Variants in TRPM3 observed in about 807,000 individuals in gnomAD.
TRPM3 encodes long transient receptor potential channel 3.
TRPM3 carries 77 observed loss-of-function variants against 181.2 expected under a neutral mutation model. That is an observed-to-expected ratio of 0.42 (90% CI 0.35 to 0.51). The LOEUF is 0.51. Ranked by LOEUF, TRPM3 falls within the 20% of genes least tolerant of loss-of-function variation. The probability of loss-of-function intolerance (pLI) is 0.01; values close to 1 mark genes in which losing one functional copy is unlikely to be tolerated. For missense variants in TRPM3, 1,759 were observed against 2,196.7 expected, an observed-to-expected ratio of 0.80 and a Z score of 3.98; for synonymous variants, 745 against 796.4, an observed-to-expected ratio of 0.94 and a Z score of 1.09.
chr9:70,862,962 C>T lies in TRPM3; in HGVS notation c.408G>A (p.Thr136=), dbSNP rs769037902. The part of the protein sequence containing the change: ...SISKHTQLSP[T]DAFGTIEFQG... The stretch of plus-strand genomic sequence containing the variant: ...GGAACTCAATGGTCCCAAAAGCATC[C>T]GTAGGGCTGAGTTGAGTGTGTTTGC... Residue 136 remains threonine (T), a synonymous_variant, in exon 3 of 26, where the codon ACG becomes ACA. Transcript: ENST00000677713. 22 of 1,613,500 alleles carry T rather than the reference C, an allele frequency of 1.4e-5. No homozygotes were observed. In the African/African-American group the frequency reaches 1.9e-4, roughly 14 times the overall value.
intron 8 of TRPM3, among the ~76,000 whole-genome samples, chr9:70,682,284 T>A (rs73465666): frequency 0.01 from 1,593 of 152,216 alleles, 31 homozygotes; most frequent in African/African-American, 0.036. Context: ...AATAAATATA[T>A]GTATTACATG....
chr9:71,264,163 T>G (rs549627766), intron 1 of TRPM3, among the ~76,000 whole-genome samples: 1 of 152,158 alleles, frequency 6.6e-6, no homozygotes, highest in East Asian at 1.9e-4. Context: ...ACCTTTGACA[T>G]AATTGTAAAG....
At chr9:71,092,714 C>T (rs2066428241) in intron 1 of TRPM3, among the ~76,000 whole-genome samples, 1 of 152,148 alleles carries the variant, frequency 6.6e-6, no homozygotes, top group Non-Finnish European at 1.5e-5. Context: ...TTAATATCTT[C>T]TACTTTTTGG....
chr9:70,640,667 G>A lies in TRPM3; in HGVS notation c.1346-7C>T, dbSNP rs748231415. 1.2e-6 allele frequency: 2 copies of A among 1,610,246 alleles called. No individual in the cohort carries two copies. Among genetic ancestry groups the A allele is most frequent in the African/African-American group, 1.3e-5 (1 of 74,828 alleles). ...GGGGCCGAGGCATTGGCTCCTGTGT[G>A]AGGACAAGTGGGAGAAAAGAGTGGA... On this transcript the variant is annotated splice_polypyrimidine_tract_variant and splice_region_variant and intron_variant, in intron 9 of 25. Coordinates refer to ENST00000677713, the MANE Select transcript of TRPM3 (RefSeq NM_001366145.2).
intron 8 of TRPM3, among the ~76,000 whole-genome samples, chr9:70,691,325 G>A (rs1397522274): frequency 1.3e-5 from 2 of 152,048 alleles, no homozygotes; most frequent in Non-Finnish European, 2.9e-5. Flanking sequence ...TTATACATTA[G>A]AAAAAATAAG....
chr9:71,173,982 C>G (rs1343666801), intron 1 of TRPM3, among the ~76,000 whole-genome samples: 1 of 152,144 alleles, frequency 6.6e-6, no homozygotes, highest in Non-Finnish European at 1.5e-5. Flanking sequence ...ATCTGCAATA[C>G]AGTGTACTTT....
At chr9:70,862,167 C>G (rs780767574) in intron 3 of TRPM3, among the ~76,000 whole-genome samples, 3 of 152,084 alleles carry the variant, frequency 2.0e-5, no homozygotes, top group Non-Finnish European at 4.4e-5. Flanking sequence ...AGTTTTCTCT[C>G]TTATAACAGT....
intron 1 of TRPM3, among the ~76,000 whole-genome samples, chr9:70,884,594 G>A (rs771730235): frequency 3.3e-5 from 5 of 152,172 alleles, no homozygotes; most frequent in Admixed American, 6.5e-5. Context: ...GTCTACAGAA[G>A]TCAGCTTTGC....
intron 1 of TRPM3, among the ~76,000 whole-genome samples, chr9:70,944,566 C>A (rs1261961634): frequency 6.6e-6 from 1 of 152,140 alleles, no homozygotes; most frequent in Non-Finnish European, 1.5e-5. Context: ...CTCTCCTACT[C>A]AACAAGCCCC....
intron 11 of TRPM3, among the ~76,000 whole-genome samples, chr9:70,636,924 G>A (rs910078986): frequency 2.6e-5 from 4 of 152,160 alleles, no homozygotes; most frequent in Non-Finnish European, 4.4e-5. Context: ...CTGACCTCAA[G>A]TGATCCATCC....
At chr9:70,925,760 T>C (rs2096715038) in intron 1 of TRPM3, among the ~76,000 whole-genome samples, 1 of 152,034 alleles carries the variant, frequency 6.6e-6, no homozygotes, top group African/African-American at 2.4e-5. Context: ...ATATCTCCTT[T>C]CAGCCAGCGC....
At chr9:71,121,867 T>C (rs1002042353), upstream of TRPM3, among the ~76,000 whole-genome samples, 1 of 152,170 alleles carries the variant, frequency 6.6e-6, no homozygotes, top group African/African-American at 2.4e-5. Context: ...ATGAGATAAA[T>C]GCTTCCCTTT....
intron 5 of TRPM3, among the ~76,000 whole-genome samples, chr9:70,837,450 G>A (rs2094396111): frequency 6.6e-6 from 1 of 152,184 alleles, no homozygotes; most frequent in African/African-American, 2.4e-5. Context: ...ACAAGATGAT[G>A]TGTTGTAAAT....
chr9:70,957,379 A>G (rs969153238), intron 1 of TRPM3, among the ~76,000 whole-genome samples: 2 of 152,142 alleles, frequency 1.3e-5, no homozygotes, highest in East Asian at 3.9e-4. Flanking sequence ...CTGAGCACTT[A>G]TGAAGCATCG....
intron 7 of TRPM3, among the ~76,000 whole-genome samples, chr9:70,773,375 C>CA (rs956916698): frequency 3.3e-5 from 5 of 152,070 alleles, no homozygotes; most frequent in Non-Finnish European, 7.3e-5. Context: ...ATAGCCACCT[C>CA]ATGATGTTTA....
chr9:71,147,723 T>C (rs1218129702), intron 1 of TRPM3, among the ~76,000 whole-genome samples: 1 of 152,154 alleles, frequency 6.6e-6, no homozygotes, highest in Non-Finnish European at 1.5e-5. Flanking sequence ...AAGAAGTAAC[T>C]TTATTTGCTG....
intron 1 of TRPM3, among the ~76,000 whole-genome samples, chr9:71,158,232 C>G (rs910314861): frequency 7.9e-5 from 12 of 152,248 alleles, no homozygotes; most frequent in African/African-American, 2.9e-4. Flanking sequence ...CCCAACAACT[C>G]TGGAAGGTTA....
chr9:70,859,790 G>A (rs191966764), intron 3 of TRPM3, among the ~76,000 whole-genome samples: 2 of 152,228 alleles, frequency 1.3e-5, no homozygotes, highest in Non-Finnish European at 2.9e-5. Context: ...CACACCCATG[G>A]CAGCTGTTCA....
intron 1 of TRPM3, among the ~76,000 whole-genome samples, chr9:71,305,077 G>A (rs1348708308): frequency 6.6e-6 from 1 of 152,164 alleles, no homozygotes; most frequent in Non-Finnish European, 1.5e-5. Flanking sequence ...GACTGAAAGA[G>A]ACCAAGAATT....
Sources: allele counts gnomAD v4.1 joint callset (sites outside exome capture counted in the v4.1 genomes callset), GRCh38; gene constraint gnomAD v4.1.1; transcripts MANE v1.5; gene names NCBI Gene and HGNC (gene_info 2026-07-23, HGNC 2026-07-21).